Variants in ERBB4 observed in about 807,000 individuals in gnomAD.
ERBB4 encodes the protein erb-b2 receptor tyrosine kinase 4.
Under a neutral mutation model 158.0 loss-of-function variants are expected in ERBB4, and 42 were observed. The observed-to-expected ratio is 0.27, with a 90% CI of 0.21 to 0.34. ERBB4 has a LOEUF of 0.34. ERBB4 is among the 10% of genes least tolerant of loss of function. The probability of loss-of-function intolerance (pLI) is 1.00; values close to 1 mark genes in which losing one functional copy is unlikely to be tolerated. For missense variants in ERBB4, 1,333 were observed against 1,624.1 expected, an observed-to-expected ratio of 0.82 and a Z score of 3.08; for synonymous variants, 583 against 558.7, an observed-to-expected ratio of 1.04 and a Z score of -0.61.
intron 18 of ERBB4, among the ~76,000 whole-genome samples, chr2:211,620,206 G>C (rs1481511975): frequency 6.6e-6 from 1 of 152,066 alleles, no homozygotes; most frequent in Non-Finnish European, 1.5e-5. Context: ...AAATATGAGA[G>C]CATGAGGACA....
At chr2:211,719,427 G>A (rs1381969033) in intron 7 of ERBB4, among the ~76,000 whole-genome samples, 1 of 125,104 alleles carries the variant, frequency 8.0e-6, no homozygotes, top group Non-Finnish European at 1.7e-5. Flanking sequence ...GGTTGTACCT[G>A]GCATGCAAAA....
intron 19 of ERBB4, among the ~76,000 whole-genome samples, chr2:211,588,105 G>C (rs2068342456): frequency 6.6e-6 from 1 of 152,104 alleles, no homozygotes; most frequent in African/African-American, 2.4e-5. Context: ...GCAAGGTATG[G>C]AATTATGTTT....
intron 19 of ERBB4, among the ~76,000 whole-genome samples, chr2:211,578,105 T>G (rs1292900644): frequency 2.0e-5 from 3 of 152,208 alleles, no homozygotes; most frequent in South Asian, 4.1e-4. Flanking sequence ...TTCAGCGAAG[T>G]CTCAGGATAT....
chr2:211,877,974 G>C (rs367742509), intron 3 of ERBB4, among the ~76,000 whole-genome samples: 3 of 152,116 alleles, frequency 2.0e-5, no homozygotes, highest in African/African-American at 4.8e-5. Context: ...GTGGCATGGT[G>C]GTGGGTGCCT....
At chr2:212,194,323 G>T (rs907578913) in intron 1 of ERBB4, among the ~76,000 whole-genome samples, 1 of 113,770 alleles carries the variant, frequency 8.8e-6, no homozygotes, top group African/African-American at 3.3e-5. Context: ...CACACACTTT[G>T]TTTCCTTTCT....
chr2:211,762,849 T>C (rs1300288936), intron 4 of ERBB4, among the ~76,000 whole-genome samples: 2 of 152,228 alleles, frequency 1.3e-5, no homozygotes, highest in African/African-American at 4.8e-5. Flanking sequence ...CCTAGTTTTC[T>C]CTCTCTTCCT....
intron 19 of ERBB4, among the ~76,000 whole-genome samples, chr2:211,618,755 T>C (rs1320287978): frequency 6.6e-6 from 1 of 152,150 alleles, no homozygotes; most frequent in Non-Finnish European, 1.5e-5. Flanking sequence ...TTTCTAACAC[T>C]CTTCAGTGCA....
chr2:211,858,928 T>C (rs1271846192), intron 3 of ERBB4, among the ~76,000 whole-genome samples: 2 of 152,042 alleles, frequency 1.3e-5, no homozygotes, highest in Non-Finnish European at 2.9e-5. Context: ...ATTACAGGCA[T>C]GCACCACCAC....
At chr2:212,395,432 G>A (rs1433252739) in intron 1 of ERBB4, among the ~76,000 whole-genome samples, 1 of 151,742 alleles carries the variant, frequency 6.6e-6, no homozygotes, top group Non-Finnish European at 1.5e-5. Context: ...ATAGAGGTGT[G>A]TCACGTAAAG....
At chr2:212,065,072 A>G (rs2077902618) in intron 2 of ERBB4, among the ~76,000 whole-genome samples, 1 of 151,224 alleles carries the variant, frequency 6.6e-6, no homozygotes, top group South Asian at 2.1e-4. Context: ...ACATGATAGA[A>G]GATAGTTCAC....
chr2:212,357,614 G>T (rs1056640484), intron 1 of ERBB4, among the ~76,000 whole-genome samples: 1 of 151,324 alleles, frequency 6.6e-6, no homozygotes. Context: ...GAGAAGCCCA[G>T]ACACTGAAAA....
At chr2:212,504,927 G>C (rs1280076347) in intron 1 of ERBB4, among the ~76,000 whole-genome samples, 3 of 152,042 alleles carry the variant, frequency 2.0e-5, no homozygotes, top group Non-Finnish European at 2.9e-5. Context: ...TAAAAAAACT[G>C]AAAAATATGT....
intron 1 of ERBB4, among the ~76,000 whole-genome samples, chr2:212,431,222 A>G (rs1027460843): frequency 3.4e-5 from 5 of 145,306 alleles, no homozygotes; most frequent in Middle Eastern, 7.2e-3. Context: ...CTCTTGGTCT[A>G]TATTCTCATC....
intron 1 of ERBB4, among the ~76,000 whole-genome samples, chr2:212,394,039 C>G (rs762778336): frequency 3.1e-4 from 47 of 152,004 alleles, no homozygotes; most frequent in Non-Finnish European, 5.1e-4. Context: ...ACTTGCATAC[C>G]CTTTACCTCT....
chr2:211,817,142 G>A (rs1435121596), intron 3 of ERBB4, among the ~76,000 whole-genome samples: 1 of 152,142 alleles, frequency 6.6e-6, no homozygotes, highest in African/African-American at 2.4e-5. Flanking sequence ...CAGTCACGGG[G>A]GGATTTTTAA....
intron 19 of ERBB4, among the ~76,000 whole-genome samples, chr2:211,606,743 G>A (rs553387789): frequency 8.6e-5 from 13 of 152,006 alleles, no homozygotes; most frequent in South Asian, 4.1e-4. Context: ...ATTTTGAAGC[G>A]CCGTTCTGCA....
intron 1 of ERBB4, among the ~76,000 whole-genome samples, chr2:212,192,428 C>T (rs1279644429): frequency 6.6e-6 from 1 of 151,844 alleles, no homozygotes; most frequent in Non-Finnish European, 1.5e-5. Context: ...ATCATACCAT[C>T]AGCCCATGTA....
At chr2:211,980,941 A>G (rs1575468465) in intron 2 of ERBB4, among the ~76,000 whole-genome samples, 1 of 152,062 alleles carries the variant, frequency 6.6e-6, no homozygotes, top group African/African-American at 2.4e-5. Flanking sequence ...CTTGGAGTAC[A>G]GTGAAAGAAC....
At chr2:212,042,170 T>C (rs2077156936) in intron 2 of ERBB4, among the ~76,000 whole-genome samples, 1 of 152,132 alleles carries the variant, frequency 6.6e-6, no homozygotes, top group Non-Finnish European at 1.5e-5. Context: ...TGGTGATAGT[T>C]GAAGAAATAA....
Sources: allele counts gnomAD v4.1 joint callset (sites outside exome capture counted in the v4.1 genomes callset), GRCh38; gene constraint gnomAD v4.1.1; transcripts MANE v1.5; gene names NCBI Gene and HGNC (gene_info 2026-07-23, HGNC 2026-07-21).